Variants in MTIF2 observed in about 807,000 individuals in gnomAD.
MTIF2 encodes translation initiation factor IF-2, mitochondrial.
In MTIF2, 71 loss-of-function variants were observed where a neutral mutation model predicts 83.5. The ratio of observed to expected loss-of-function variants is 0.85; its 90% CI spans 0.70 to 1.04. MTIF2 has a LOEUF of 1.04. Among genes scored for constraint, MTIF2 ranks in the 50% least tolerant of loss-of-function variants. The pLI is 0.00. For synonymous variants in MTIF2, 319 were observed against 287.1 expected, an observed-to-expected ratio of 1.11 and a Z score of -1.12; for missense variants, 957 against 846.5, an observed-to-expected ratio of 1.13 and a Z score of -1.62.
intron 10 of MTIF2, among the ~76,000 whole-genome samples, chr2:55,245,406 C>T (rs1180962453): frequency 6.6e-6 from 1 of 152,112 alleles, no homozygotes; most frequent in Non-Finnish European, 1.5e-5. Flanking sequence ...CCTGTAAATC[C>T]CAGCTACTTG....
At chr2:55,241,062 C>T (rs955098781) in intron 13 of MTIF2, among the ~76,000 whole-genome samples, 1 of 151,640 alleles carries the variant, frequency 6.6e-6, no homozygotes, top group Non-Finnish European at 1.5e-5. Context: ...ATATATTTAA[C>T]TGTAAATACT....
At chr2:55,267,903 C>G (rs1678553217) in intron 2 of MTIF2, 1 of 152,118 alleles carries the variant, frequency 6.6e-6, no homozygotes, top group Non-Finnish European at 1.5e-5. Flanking sequence ...AAGGCTTATT[C>G]GAGTAAAGAT....
intron 13 of MTIF2, among the ~76,000 whole-genome samples, chr2:55,241,095 A>G (rs772791691): frequency 4.6e-5 from 7 of 152,032 alleles, no homozygotes; most frequent in African/African-American, 9.7e-5. Flanking sequence ...AAAAAGCAAA[A>G]CACTCTTGTC....
At chr2:55,263,542 G>A (rs1424589162) in intron 4 of MTIF2, 98 bp downstream of exon 4, 11 of 879,924 alleles carry the variant, frequency 1.3e-5, no homozygotes, top group East Asian at 5.2e-5. Flanking sequence ...CCCAAGAGGC[G>A]TAGGTTGCGG....
chr2:55,265,464 G>A (rs148666696), intron 3 of MTIF2, among the ~76,000 whole-genome samples: 8 of 151,610 alleles, frequency 5.3e-5, no homozygotes, highest in Non-Finnish European at 1.0e-4. Flanking sequence ...CTAGGGTCGT[G>A]TTTTCATTGC....
intron 11 of MTIF2, 41 bp from the exon 12 acceptor site, chr2:55,243,709 C>T (rs142100637): frequency 6.3e-7 from 1 of 1,590,640 alleles, no homozygotes; most frequent in South Asian, 1.1e-5. Flanking sequence ...AAATAGACAT[C>T]AATAACTGCT....
intron 10 of MTIF2, among the ~76,000 whole-genome samples, chr2:55,245,199 T>C (rs934137493): frequency 1.3e-5 from 2 of 152,134 alleles, no homozygotes; most frequent in Non-Finnish European, 2.9e-5. Flanking sequence ...TCCACTCATA[T>C]GAAGTATCTA....
chr2:55,236,757 C>T lies in MTIF2; in HGVS notation c.2075G>A (p.Cys692Tyr), dbSNP rs1469877697. The change falls in exon 16 of 16, where the codon TGT becomes TAT. Residue 692 changes from cysteine (C) to tyrosine (Y), a missense_variant. Transcript: ENST00000263629. ...DISIVKTGMD[C>Y]GLSLDEDNME... is the part of the protein sequence containing the mutation. ...ATTGTCTTCATCTAAACTGAGACCA[C>T]AATCCATTCCCGTTTTGACAATTGA... The T allele has an allele frequency of 1.2e-6, 2 of 1,611,492 alleles. No individual in the cohort carries two copies. The highest frequency in any genetic ancestry group is 1.7e-6 in the Non-Finnish European group (2 of 1,179,366).
chr2:55,247,801 T>C (rs887345840), intron 9 of MTIF2, among the ~76,000 whole-genome samples: 1 of 152,172 alleles, frequency 6.6e-6, no homozygotes, highest in African/African-American at 2.4e-5. Context: ...TGGAATCATC[T>C]CTGACACGCC....
In MTIF2 at chr2:55,249,443, A is replaced by G. The variant is rs1676935268; in HGVS notation, c.933T>C (p.Cys311=). ...CTTGAACATCACCTCCATAATCTTC[A>G]CATACCACATCGTAAGCCAGCAGCT... is the stretch of plus-strand genomic sequence containing the variant. ...KKELLAYDVV[C]EDYGGDVQAV... The change falls in exon 9 of 16, where the codon TGT becomes TGC. Residue 311 remains cysteine, a synonymous_variant. Transcript: ENST00000263629. The G allele has an allele frequency of 1.2e-6, 2 of 1,614,140 alleles. No homozygotes were observed. The highest frequency in any genetic ancestry group is 4.5e-5 in the East Asian group (2 of 44,876).
intron 8 of MTIF2, among the ~76,000 whole-genome samples, chr2:55,250,177 T>C (rs1186570603): frequency 1.3e-5 from 2 of 151,968 alleles, no homozygotes; most frequent in Non-Finnish European, 2.9e-5. Context: ...TATACCAAAA[T>C]CCCGGCATAC....
chr2:55,268,015 G>A (rs1025722736), intron 2 of MTIF2, among the ~76,000 whole-genome samples: 1 of 152,200 alleles, frequency 6.6e-6, no homozygotes, highest in African/African-American at 2.4e-5. Context: ...CACTTTGGGA[G>A]GTCGAGGCGG....
intron 8 of MTIF2, among the ~76,000 whole-genome samples, chr2:55,251,871 C>T (rs747700558): frequency 8.5e-5 from 13 of 152,174 alleles, no homozygotes; most frequent in African/African-American, 2.7e-4. Context: ...GGTGATCCAC[C>T]GGCCTCGGCC....
In MTIF2 at chr2:55,243,097, T is replaced by C. The variant is rs1676442516; in HGVS notation, c.1565-17A>G. 2.5e-6 allele frequency: 4 copies of C among 1,575,802 alleles called. No homozygotes were observed. The East Asian group carries it at 9.0e-5, about 36-fold the overall frequency. ...CAACATCACCTAAATACAGAAAAAG[T>C]TTATAATTGTTGCTTTTAAGAGTTA... On this transcript the variant is annotated splice_polypyrimidine_tract_variant and intron_variant, in intron 12 of 15. Coordinates refer to ENST00000263629, the MANE Select transcript of MTIF2 (RefSeq NM_002453.3).
At position 55,254,162 on chromosome 2, in the gene MTIF2, T is replaced by C. The variant is rs751064997; in HGVS notation, c.543A>G (p.Pro181=). The change falls in exon 7 of 16, where the codon CCA becomes CCG. Residue 181 remains proline, a synonymous_variant. Coordinates refer to ENST00000263629, the MANE Select transcript of MTIF2 (RefSeq NM_002453.3). The part of the protein sequence containing the change: ...ADPALLTPRS[P]VVTIMGHVDH... ...CAACATGGCCCATTATAGTAACAAC[T>C]GGGGACCTTGGGGTTAATAAAGCTG... is the stretch of plus-strand genomic sequence containing the variant. The C allele has an allele frequency of 1.2e-6, 2 of 1,613,958 alleles. No individual in the cohort carries two copies. Among genetic ancestry groups the C allele is most frequent in the Non-Finnish European group, 1.7e-6 (2 of 1,180,014 alleles).
At chr2:55,256,498 G>A (rs1677546244) in intron 5 of MTIF2, among the ~76,000 whole-genome samples, 1 of 151,750 alleles carries the variant, frequency 6.6e-6, no homozygotes, top group African/African-American at 2.4e-5. Context: ...ACGAGGTCAG[G>A]AGTTCAAGAC....
rs144403886 is a variant in MTIF2, at chr2:55,254,091, A to G, written c.614T>C (p.Val205Ala). The change falls in exon 7 of 16, where the codon GTG becomes GCG. Residue 205 changes from valine to alanine, a missense_variant. Physicochemically the swap from Val to Ala is moderately conservative, Grantham distance 64 (BLOSUM62 0). This residue lies in a region of MTIF2 where 733 missense variants were observed against 648.7 expected (regional missense o/e 1.13). Coordinates refer to ENST00000263629, the MANE Select transcript of MTIF2 (RefSeq NM_002453.3). ...GATGCCTCCAGTTTCCACTGCTGCC[A>G]CTTGAGTTTTTCGAAATTTGTCAAG... ...TLLDKFRKTQ[V>A]AAVETGGITQ... 8.1e-6 allele frequency: 13 copies of G among 1,614,102 alleles called. No homozygotes were observed. In the Admixed American group the frequency reaches 1.3e-4, roughly 17 times the overall value.
At chr2:55,259,720 G>C (rs1332519781) in intron 5 of MTIF2, among the ~76,000 whole-genome samples, 2 of 152,190 alleles carry the variant, frequency 1.3e-5, no homozygotes, top group Middle Eastern at 6.3e-3. Flanking sequence ...AAGATGTGCA[G>C]ATCACTTGAG....
At chr2:55,264,918 A>G (rs6721728) in intron 3 of MTIF2, among the ~76,000 whole-genome samples, 11,912 of 152,136 alleles carry the variant, frequency 0.078, 1,501 homozygotes, top group African/African-American at 0.27. Context: ...TCAGTTTTTA[A>G]GGACAGGAAC....
Sources: gnomAD v4.1 joint callset for allele counts (sites outside exome capture counted in the v4.1 genomes callset) on GRCh38, gnomAD v4.1.1 for gene constraint, gnomAD v4.1.1 regional missense constraint, MANE v1.5 for transcripts, NCBI Gene and HGNC (gene_info 2026-07-23, HGNC 2026-07-21) for gene names.